Variants in MYH15 observed in about 807,000 individuals in gnomAD.
The protein encoded by MYH15 is myosin heavy chain 15, also known as myosin-15.
Under a neutral mutation model 240.5 loss-of-function variants are expected in MYH15, and 227 were observed. The ratio of observed to expected loss-of-function variants is 0.94; its 90% CI spans 0.85 to 1.05. The LOEUF is 1.05. Among genes scored for constraint, MYH15 ranks in the 50% least tolerant of loss-of-function variants. The pLI is 0.00. For missense variants in MYH15, 2,217 were observed against 2,247.5 expected, an observed-to-expected ratio of 0.99 and a Z score of 0.27; for synonymous variants, 785 against 796.7, an observed-to-expected ratio of 0.99 and a Z score of 0.25.
rs1365097106 is a variant in MYH15 at position 108,486,451 on chromosome 3, T to A, written c.947A>T (p.Asp316Val). ...TGTGGCCAGCAATTCTTCAGCATCA[T>A]CCAAGCTCTCCACAGTAACTGCTCC... ...SCGAVTVESL[D>V]DAEELLATEQ... Residue 316 changes from aspartate (D) to valine (V), a missense_variant, in exon 10 of 41, where the codon GAT becomes GTT. Coordinates refer to ENST00000693548, the MANE Select transcript of MYH15 (RefSeq NM_014981.3). 6.8e-6 allele frequency: 11 copies of A among 1,612,026 alleles called. No homozygotes were observed. The highest frequency in any genetic ancestry group is 9.3e-6 in the Non-Finnish European group (11 of 1,178,588).
intron 9 of MYH15, among the ~76,000 whole-genome samples, chr3:108,487,538 C>G (rs1010906837): frequency 2.6e-5 from 4 of 152,176 alleles, no homozygotes; most frequent in Admixed American, 2.6e-4. Flanking sequence ...AATATACACT[C>G]TATGATTTTG....
chr3:108,481,898 T>C (rs1322662809), intron 11 of MYH15, among the ~76,000 whole-genome samples: 1 of 152,106 alleles, frequency 6.6e-6, no homozygotes, highest in Non-Finnish European at 1.5e-5. Flanking sequence ...GGAGCCATTG[T>C]TGAGTTTAGA....
At position 108,414,289 on chromosome 3, in the gene MYH15, C is replaced by T. The variant is rs1253934735; in HGVS notation, c.4088G>A (p.Trp1363Ter). Residue 1363 changes from tryptophan to a stop codon, truncating the protein, a stop_gained, in exon 30 of 41, where the codon TGG (tryptophan) becomes TAG (stop). Coordinates refer to ENST00000693548, the MANE Select transcript of MYH15 (RefSeq NM_014981.3). LOFTEE classifies it high-confidence loss of function. ...LSKVNAEMVQ[W>*]RMKYENNVIQ... ...GACATTGTTTTCATACTTCATTCTCCATTGCACCATTTCAGCATTGACTTT... is the reference window on the plus strand; with the variant it reads ...GACATTGTTTTCATACTTCATTCTCTATTGCACCATTTCAGCATTGACTTT... The T allele has an allele frequency of 1.2e-6, 2 of 1,614,160 alleles. No individual in the cohort carries two copies.
chr3:108,381,917 T>A (rs1339576613), intron 40 of MYH15, among the ~76,000 whole-genome samples: 2 of 152,210 alleles, frequency 1.3e-5, no homozygotes, highest in Non-Finnish European at 2.9e-5. Flanking sequence ...CTTGTGCATA[T>A]GACAGTTGAG....
At chr3:108,396,309 T>A (rs2082460232) in intron 35 of MYH15, among the ~76,000 whole-genome samples, 1 of 152,216 alleles carries the variant, frequency 6.6e-6, no homozygotes, top group South Asian at 2.1e-4. Context: ...TTTGGTTTCA[T>A]GGAAGAAAAT....
intron 18 of MYH15, among the ~76,000 whole-genome samples, chr3:108,457,277 G>A (rs1429588710): frequency 2.6e-5 from 4 of 152,140 alleles, no homozygotes; most frequent in Admixed American, 6.5e-5. Flanking sequence ...TGCCTTCTCC[G>A]TGCAGGAGGG....
chr3:108,383,788 T>C (rs1379996793), intron 39 of MYH15, 59 bp from the exon 40 acceptor site: 1 of 1,371,354 alleles, frequency 7.3e-7, no homozygotes, highest in Non-Finnish European at 9.8e-7. Context: ...AGGTGTTTTT[T>C]TTTTCTGCTC....
rs531678894 is a variant in MYH15, at chr3:108,499,454, C to T, written c.524+1G>A. On this transcript the variant is annotated splice_donor_variant, in intron 5 of 40. Coordinates refer to ENST00000693548, the MANE Select transcript of MYH15 (RefSeq NM_014981.3). LOFTEE classifies it high-confidence loss of function. ...AAAAGAAAAACAAGGCAAACACTTACGTGAAGAGTATAGACTGATTTTCTC... is the reference window on the plus strand; with the variant it reads ...AAAAGAAAAACAAGGCAAACACTTATGTGAAGAGTATAGACTGATTTTCTC... The T allele has an allele frequency of 9.9e-6, 16 of 1,612,778 alleles. No individual in the cohort carries two copies. Among genetic ancestry groups the T allele is most frequent in the Middle Eastern group, 1.6e-4 (1 of 6,072 alleles).
chr3:108,455,795 C>T lies in MYH15; in HGVS notation c.2203G>A (p.Glu735Lys), dbSNP rs758897572. 1 of 1,613,590 alleles carries T rather than the reference C, an allele frequency of 6.2e-7. No individual in the cohort carries two copies. Among genetic ancestry groups the T allele is most frequent in the Non-Finnish European group, 8.5e-7 (1 of 1,179,546 alleles). Residue 735 changes from glutamate to lysine, a missense_variant, in exon 20 of 41, where the codon GAA becomes AAA. Physicochemically the swap from Glu to Lys is moderately conservative, Grantham distance 56 (BLOSUM62 1). Coordinates refer to ENST00000693548, the MANE Select transcript of MYH15 (RefSeq NM_014981.3). ...ATCTCCAAGGAGCCAAGTAATTCTT[C>T]AGCTGCTTTTCTGCTGCTCACAAAC... ...SKFVSSRKAA[E>K]ELLGSLEIDH... is the part of the protein sequence containing the mutation.
chr3:108,398,659 C>T lies in MYH15; in HGVS notation c.5111G>A (p.Arg1704Lys), dbSNP rs891088990. 4 of 1,613,416 alleles carry T rather than the reference C, an allele frequency of 2.5e-6. No individual in the cohort carries two copies. The highest frequency in any genetic ancestry group is 1.9e-4 in the Middle Eastern group (1 of 5,400). Residue 1704 changes from arginine to lysine, a missense_variant, in exon 35 of 41, where the codon AGA (arginine) becomes AAA (lysine). Physicochemically the swap from Arg to Lys is conservative, Grantham distance 26. Coordinates refer to ENST00000693548, the MANE Select transcript of MYH15 (RefSeq NM_014981.3). ...SEEELLEATE[R>K]INLFYTQNTS... ...CACCTGGGTATAGAAAAGATTGATT[C>T]TTTCTGTTGCTTCCAGGAGCTCTTC...
At chr3:108,456,688 G>A in intron 19 of MYH15, 78 bp downstream of exon 19, 1 of 1,018,998 alleles carries the variant, frequency 9.8e-7, no homozygotes. Context: ...AACAAACAAT[G>A]CATGCCTAAA....
At chr3:108,464,603 G>C (rs1170830422) in intron 15 of MYH15, 35 bp downstream of exon 15, 1 of 1,558,696 alleles carries the variant, frequency 6.4e-7, no homozygotes, top group Non-Finnish European at 8.7e-7. Context: ...ACAAAGTCAG[G>C]AAAATTCAAG....
chr3:108,500,122 A>C lies in MYH15; in HGVS notation c.492T>G (p.Leu164=). ...TTTTGTAGGGCAGCTACTCACTGTG[A>C]AGCATGTCCTGAAAGGCGTTATTGG... ...AVANNAFQDM[L]HNRENQSILF... The change falls in exon 4 of 41, where the codon CTT becomes CTG. Residue 164 remains leucine (L), a synonymous_variant. Transcript: ENST00000693548. 1 of 1,613,088 alleles carries C rather than the reference A, an allele frequency of 6.2e-7. No homozygotes were observed. Among genetic ancestry groups the C allele is most frequent in the Non-Finnish European group, 8.5e-7 (1 of 1,179,646 alleles).
chr3:108,494,938 C>T (rs2083379746), intron 7 of MYH15, among the ~76,000 whole-genome samples: 1 of 152,084 alleles, frequency 6.6e-6, no homozygotes, highest in African/African-American at 2.4e-5. Context: ...TTCTATCTTT[C>T]ATATTTCAGC....
At chr3:108,430,955 C>A in intron 25 of MYH15, 33 bp from the exon 26 acceptor site, 2 of 1,406,968 alleles carry the variant, frequency 1.4e-6, no homozygotes, top group South Asian at 2.3e-5. Flanking sequence ...TACAATTGTT[C>A]AGAATAATAA....
chr3:108,544,877 T>C, the MYH15 span, among the ~76,000 whole-genome samples: 1 of 152,198 alleles, frequency 6.6e-6, no homozygotes, highest in Non-Finnish European at 1.5e-5. Context: ...TAAATAGAAA[T>C]ACTAACATAG....
chr3:108,443,339 G>A (rs1436323842), intron 22 of MYH15, among the ~76,000 whole-genome samples: 1 of 152,118 alleles, frequency 6.6e-6, no homozygotes, highest in Non-Finnish European at 1.5e-5. Flanking sequence ...AGATAATACA[G>A]CTCCAAAATA....
chr3:108,469,555 G>T (rs1224164147), intron 14 of MYH15, among the ~76,000 whole-genome samples: 2 of 152,156 alleles, frequency 1.3e-5, no homozygotes, highest in Non-Finnish European at 2.9e-5. Flanking sequence ...AAACTAACTG[G>T]TACTTGTCCA....
intron 12 of MYH15, 115 bp from the exon 13 acceptor site, chr3:108,470,962 T>C (rs1030668171): frequency 1.0e-5 from 9 of 901,946 alleles, no homozygotes; most frequent in Non-Finnish European, 1.5e-5. Flanking sequence ...ATTGACCTTC[T>C]GTGCTTCCAA....
Sources: allele counts gnomAD v4.1 joint callset (sites outside exome capture counted in the v4.1 genomes callset), GRCh38; gene constraint gnomAD v4.1.1; transcripts MANE v1.5; gene names NCBI Gene and HGNC (gene_info 2026-07-23, HGNC 2026-07-21).